The following IGSF3 variants were observed in gnomAD, a reference collection of about 807,000 sequenced individuals.
The protein encoded by IGSF3 is glu-Trp-Ile EWI motif-containing protein 3.
In IGSF3, 23 loss-of-function variants were observed where a neutral mutation model predicts 114.4. The ratio of observed to expected loss-of-function variants is 0.20; its 90% CI spans 0.14 to 0.28. The LOEUF is 0.28. Among genes scored for constraint, IGSF3 ranks in the 10% least tolerant of loss-of-function variants. The pLI is 1.00. For missense variants in IGSF3, 1,172 were observed against 1,591.5 expected, an observed-to-expected ratio of 0.74 and a Z score of 4.48; for synonymous variants, 571 against 645.2, an observed-to-expected ratio of 0.88 and a Z score of 1.74.
At chr1:116,590,613 G>A (rs537631369) in intron 7 of IGSF3, among the ~76,000 whole-genome samples, 2 of 152,284 alleles carry the variant, frequency 1.3e-5, no homozygotes, top group East Asian at 3.9e-4. Context: ...TGCCTGGCCA[G>A]GCTCCAGCAC....
rs1661288859 is a variant in IGSF3, at chr1:116,618,201, T to G, written c.44-1744A>C. Among the ~76,000 whole-genome samples, 1 of 152,224 alleles carries G rather than the reference T, an allele frequency of 6.6e-6. No homozygotes were observed. The highest frequency in any genetic ancestry group is 1.5e-5 in the Non-Finnish European group (1 of 68,042). ...CAAAATCTTACACAGAACCCCATCT[T>G]GGCTTCAGCAGAATCAGGAAAAATA... is the stretch of plus-strand genomic sequence containing the variant. On this transcript the variant is annotated intron_variant, in intron 2 of 10. Transcript: ENST00000369486. The surrounding 1 kb of genome is among the most constrained non-coding windows in gnomAD (Gnocchi z 4.7).
chr1:116,634,425 G>A lies in IGSF3; in HGVS notation c.44-17968C>T, dbSNP rs913892684. 3.3e-5 allele frequency among the ~76,000 whole-genome samples: 5 copies of A among 151,406 alleles called. No individual in the cohort carries two copies. The highest frequency in any genetic ancestry group is 7.4e-5 in the Non-Finnish European group (5 of 67,542). ...CTCACTCGTTCACATCTGCCTTGGA[G>A]CACCCACAGCAAGCCTGGCTTCATG... On this transcript the variant is annotated intron_variant, in intron 2 of 10. Coordinates refer to ENST00000369486, the MANE Select transcript of IGSF3 (RefSeq NM_001007237.3). This position sits in a 1 kb window ranked among gnomAD's most constrained non-coding sequence, Gnocchi z 4.2.
chr1:116,617,468 T>C, intron 2 of IGSF3: 2 of 435,280 alleles, frequency 4.6e-6, no homozygotes, highest in Non-Finnish European at 3.1e-6. Context: ...TGCCACCAAT[T>C]AGAGCTGGTT....
At chr1:116,626,145 AG>A (rs1282402202) in intron 2 of IGSF3, among the ~76,000 whole-genome samples, 3 of 152,180 alleles carry the variant, frequency 2.0e-5, no homozygotes, top group Non-Finnish European at 2.9e-5. Flanking sequence ...TAAAAATTAC[AG>A]TATTTTAAGT....
chr1:116,589,690 C>A lies in IGSF3; in HGVS notation c.2030-586G>T, dbSNP rs1380282293. 6.6e-6 allele frequency among the ~76,000 whole-genome samples: 1 copy of A among 152,166 alleles called. No homozygotes were observed. Among genetic ancestry groups the A allele is most frequent in the Non-Finnish European group, 1.5e-5 (1 of 68,026 alleles). ...CATTCCCGTCCCCCTGGGCTCCATA[C>A]CCTTCCTCAGCACCCTCTATATATC... On this transcript the variant is annotated intron_variant, in intron 7 of 10. Coordinates refer to ENST00000369486, the MANE Select transcript of IGSF3 (RefSeq NM_001007237.3). The surrounding 1 kb of genome is among the most constrained non-coding windows in gnomAD (Gnocchi z 5.7).
Position 116,608,444 on chromosome 1 carries a change from G to A in IGSF3, c.833-113C>T, listed in dbSNP as rs79155130. 19 of 819,504 alleles carry A rather than the reference G, an allele frequency of 2.3e-5. No individual in the cohort carries two copies. In the East Asian group the frequency reaches 2.3e-4, roughly 10 times the overall value. 50.8% of individuals were successfully genotyped at this position (819,504 alleles called of 1,614,324 possible). A position where few individuals can be genotyped will look rare whatever the true frequency, so the allele number is the denominator to read the frequency against. On this transcript the variant is annotated intron_variant, in intron 4 of 10. Coordinates refer to ENST00000369486, the MANE Select transcript of IGSF3 (RefSeq NM_001007237.3). ...TCCTCTTCTTTACAATACTAACTGC[G>A]GGGAGGACCACAGCACTTAGCTTGA...
rs778004496 is a variant in IGSF3, at chr1:116,600,391, T to C, written c.1625-46A>G. ...TTCAACCAGAGGAGGCATGTGGCTTTCTCAGGGCAGTATGACATCAGCAAT... is the reference window on the plus strand; with the variant it reads ...TTCAACCAGAGGAGGCATGTGGCTTCCTCAGGGCAGTATGACATCAGCAAT... On this transcript the variant is annotated intron_variant, in intron 6 of 10. Transcript: ENST00000369486. The surrounding 1 kb of genome is among the most constrained non-coding windows in gnomAD (Gnocchi z 5.5). The C allele has an allele frequency of 6.5e-7, 1 of 1,529,666 alleles. No homozygotes were observed. The highest frequency in any genetic ancestry group is 8.9e-7 in the Non-Finnish European group (1 of 1,119,634). The allele number at this position is 1,529,666 out of a possible 1,614,324, so 94.8% of individuals were successfully genotyped here.
chr1:116,617,249 T>TA (rs1661257296), intron 2 of IGSF3: 1 of 957,968 alleles, frequency 1.0e-6, no homozygotes, highest in Non-Finnish European at 1.2e-6. Context: ...CTGGCTCAGA[T>TA]ACTGTTCTCC....
chr1:116,628,784 GC>G lies in IGSF3; in HGVS notation c.44-12328del. Among the ~76,000 whole-genome samples, 1 of 152,232 alleles carries G rather than the reference GC, an allele frequency of 6.6e-6. No homozygotes were observed. Among genetic ancestry groups the G allele is most frequent in the Non-Finnish European group, 1.5e-5 (1 of 68,016 alleles). On this transcript the variant is annotated intron_variant, in intron 2 of 10. Transcript: ENST00000369486. The surrounding 1 kb of genome is among the most constrained non-coding windows in gnomAD (Gnocchi z 4.2). ...CTGGTGGCTCAGGCTCCTGTGCTTG[GC>G]TCTCATCAGTGGGTAGCCCTGGATT...
intron 2 of IGSF3, among the ~76,000 whole-genome samples, chr1:116,659,252 G>T (rs1198908033): frequency 6.6e-6 from 1 of 152,024 alleles, no homozygotes; most frequent in Non-Finnish European, 1.5e-5. Flanking sequence ...TGTGATTTTT[G>T]CCCTTCTGAA....
intron 2 of IGSF3, among the ~76,000 whole-genome samples, chr1:116,620,551 G>A (rs1273737208): frequency 6.6e-6 from 1 of 152,148 alleles, no homozygotes; most frequent in Non-Finnish European, 1.5e-5. Flanking sequence ...ACAAATGGTG[G>A]AATGTGACTT....
chr1:116,611,410 A>G (rs900145970), intron 4 of IGSF3, among the ~76,000 whole-genome samples: 4 of 152,158 alleles, frequency 2.6e-5, no homozygotes, highest in Non-Finnish European at 4.4e-5. Flanking sequence ...ATGAACACCA[A>G]CACACACCCA....
intron 2 of IGSF3, among the ~76,000 whole-genome samples, chr1:116,630,727 T>C (rs1647535802): frequency 5.3e-5 from 8 of 152,216 alleles, no homozygotes; most frequent in Admixed American, 5.2e-4. Flanking sequence ...AAAGATGCAC[T>C]GAGCTAGGTG....
chr1:116,584,263 G>A lies in IGSF3; in HGVS notation c.2848+382C>T, dbSNP rs761640385. 6.6e-6 allele frequency among the ~76,000 whole-genome samples: 1 copy of A among 151,856 alleles called. No homozygotes were observed. The highest frequency in any genetic ancestry group is 1.5e-5 in the Non-Finnish European group (1 of 68,000). On this transcript the variant is annotated intron_variant, in intron 9 of 10. Transcript: ENST00000369486. The surrounding 1 kb of genome is among the most constrained non-coding windows in gnomAD (Gnocchi z 5.8). ...CACAATTCATTGTTTTCTATTTAAAGCATGTAAATCGATTACTTTCCACTG... is the reference window on the plus strand; with the variant it reads ...CACAATTCATTGTTTTCTATTTAAAACATGTAAATCGATTACTTTCCACTG...
At position 116,638,066 on chromosome 1, in the gene IGSF3, T is replaced by C. The variant is rs138797129; in HGVS notation, c.44-21609A>G. On this transcript the variant is annotated intron_variant, in intron 2 of 10. Transcript: ENST00000369486. This position sits in a 1 kb window ranked among gnomAD's most constrained non-coding sequence, Gnocchi z 4.1. ...CTATACTCAATAAACACACCAACTT[T>C]GATGCCAAATCCCATGCCATCCCAC... Among the ~76,000 whole-genome samples the C allele has an allele frequency of 4.5e-3, 690 of 152,318 alleles. 3 individuals are homozygous for C. Among genetic ancestry groups the C allele is most frequent in the African/African-American group, 0.015 (624 of 41,558 alleles).
Position 116,665,355 on chromosome 1 carries a change from G to A in IGSF3, c.43+929C>T, listed in dbSNP as rs1038559702. 1.3e-5 allele frequency among the ~76,000 whole-genome samples: 2 copies of A among 152,158 alleles called. No individual in the cohort carries two copies. The highest frequency in any genetic ancestry group is 2.1e-4 in the South Asian group (1 of 4,816). ...TAATCCCTTCTGAATGCAGAGGACC[G>A]AGCCTTACAGAGAGGGCAGGGGGTG... On this transcript the variant is annotated intron_variant, in intron 2 of 10. Coordinates refer to ENST00000369486, the MANE Select transcript of IGSF3 (RefSeq NM_001007237.3). This position sits in a 1 kb window ranked among gnomAD's most constrained non-coding sequence, Gnocchi z 4.0.
chr1:116,621,813 A>G (rs1475890954), intron 2 of IGSF3, among the ~76,000 whole-genome samples: 2 of 152,254 alleles, frequency 1.3e-5, no homozygotes, highest in Non-Finnish European at 2.9e-5. Flanking sequence ...CTGTCCTTTT[A>G]GATTGGGTTT....
intron 2 of IGSF3, among the ~76,000 whole-genome samples, chr1:116,622,279 C>G (rs142374184): frequency 1.3e-5 from 2 of 152,122 alleles, no homozygotes; most frequent in Admixed American, 6.5e-5. Flanking sequence ...AGCAAACTCA[C>G]AGGAGACCCT....
At chr1:116,590,523 C>G (rs1571127444) in intron 7 of IGSF3, among the ~76,000 whole-genome samples, 1 of 152,214 alleles carries the variant, frequency 6.6e-6, no homozygotes, top group African/African-American at 2.4e-5. Context: ...GGGCAAGGTG[C>G]AGATTCCACC....
Sources: allele counts gnomAD v4.1 joint callset (sites outside exome capture counted in the v4.1 genomes callset), GRCh38; gene constraint gnomAD v4.1.1; non-coding constraint Gnocchi (gnomAD v3.1); transcripts MANE v1.5; gene names NCBI Gene and HGNC (gene_info 2026-07-23, HGNC 2026-07-21).